SEMA4C: variants seen among roughly 807,000 people sequenced by gnomAD.
SEMA4C encodes the protein semaphorin 4C, also known as semaphorin-4C.
Under a neutral mutation model 89.0 loss-of-function variants are expected in SEMA4C, and 19 were observed. That is an observed-to-expected ratio of 0.21 (90% CI 0.15 to 0.31). The LOEUF is 0.31. Ranked by LOEUF, SEMA4C falls within the 10% of genes least tolerant of loss-of-function variation. The probability of loss-of-function intolerance (pLI) is 1.00; values close to 1 mark genes in which losing one functional copy is unlikely to be tolerated. For synonymous variants in SEMA4C, 428 were observed against 472.7 expected (o/e 0.91, Z 1.23); for missense variants, 811 against 1,107.0 (o/e 0.73, Z 3.79).
chr2:96,869,402 G>C, intron 1 of SEMA4C: 4 of 985,218 alleles, frequency 4.1e-6, no homozygotes, highest in Non-Finnish European at 3.6e-6. Context: ...CTCCAGCCGG[G>C]GACGGCGCGG....
At chr2:96,867,668 G>C in intron 2 of SEMA4C, 110 bp downstream of exon 2, 3 of 1,147,578 alleles carry the variant, frequency 2.6e-6, no homozygotes, top group East Asian at 2.4e-5. Context: ...CTTCCAACTC[G>C]AGTTTCTTAG....
rs2079951436 is a variant in SEMA4C, at chr2:96,861,817, T to G, written c.1521A>C (p.Ala507=). The part of the protein sequence containing the change: ...VADCMKYRSC[A]DCVLARDPYC... The stretch of plus-strand genomic sequence containing the variant: ...AGGGGTCCCGGGCGAGGACACAGTC[T>G]GCACAGGAGCGATACTTCATGCAGT... Residue 507 remains alanine (A), a synonymous_variant, in exon 13 of 15, where the codon GCA becomes GCC. Transcript: ENST00000305476. The surrounding 1 kb of genome is among the most constrained non-coding windows in gnomAD (Gnocchi z 7.8). 1 of 1,612,962 alleles carries G rather than the reference T, an allele frequency of 6.2e-7. No homozygotes were observed.
chr2:96,860,862 C>A lies in SEMA4C; in HGVS notation c.2266G>T (p.Gly756Trp). The change falls in exon 15 of 15, where the codon GGG (glycine) becomes TGG (tryptophan). Residue 756 changes from glycine (G) to tryptophan (W), a missense_variant. Physicochemically the swap from Gly to Trp is radical, Grantham distance 184. This residue lies in a region of SEMA4C where 248 missense variants were observed against 269.0 expected (regional missense o/e 0.92). Coordinates refer to ENST00000305476, the MANE Select transcript of SEMA4C (RefSeq NM_017789.5). ...CCTGGAGGTGGCGAAGGGGGCCCCCCACCGGGCTGGCACCGGGCATGCCCA... is the reference window on the plus strand; with the variant it reads ...CCTGGAGGTGGCGAAGGGGGCCCCCAACCGGGCTGGCACCGGGCATGCCCA... ...VPGHARCQPG[G>W]GPPSPPPGIP... The A allele has an allele frequency of 1.2e-6, 2 of 1,613,162 alleles. No homozygotes were observed. The highest frequency in any genetic ancestry group is 4.5e-5 in the East Asian group (2 of 44,876).
At chr2:96,867,716 C>T in intron 2 of SEMA4C, 62 bp downstream of exon 2, 3 of 1,503,336 alleles carry the variant, frequency 2.0e-6, no homozygotes, top group Non-Finnish European at 2.8e-6. Flanking sequence ...AGCCAGCACA[C>T]TATGGGGGCA....
At chr2:96,866,259 G>A (rs1283388685) in intron 3 of SEMA4C, 24 bp downstream of exon 3, 2 of 1,593,380 alleles carry the variant, frequency 1.3e-6, no homozygotes, top group East Asian at 4.5e-5. Context: ...AGGCCCGACT[G>A]CCTCCCACTG....
intron 12 of SEMA4C, chr2:96,863,178 C>A: frequency 4.2e-6 from 4 of 942,078 alleles, no homozygotes; most frequent in Non-Finnish European, 5.1e-6. Context: ...TCACTGCACT[C>A]TAGCCTGGGT....
Position 96,864,331 on chromosome 2 carries a change from C to G in SEMA4C, c.1014G>C (p.Gln338His). The G allele has an allele frequency of 6.2e-7, 1 of 1,614,032 alleles. No homozygotes were observed. The highest frequency in any genetic ancestry group is 8.5e-7 in the Non-Finnish European group (1 of 1,180,024). ...CCTTATAGGGGCCCTCAAACACCCG[C>G]TGGATCTCTTCCAACTGGTACTCAC... ...AICEYQLEEI[Q>H]RVFEGPYKEY... The change falls in exon 10 of 15, where the codon CAG becomes CAC. Residue 338 changes from glutamine (Q) to histidine (H), a missense_variant. Physicochemically the swap from Gln to His is conservative, Grantham distance 24. This residue lies in a region of SEMA4C where 441 missense variants were observed against 664.9 expected (regional missense o/e 0.66). Transcript: ENST00000305476. The surrounding 1 kb of genome is among the most constrained non-coding windows in gnomAD (Gnocchi z 6.3).
intron 3 of SEMA4C, 51 bp downstream of exon 3, chr2:96,866,231 TG>T: frequency 6.4e-7 from 1 of 1,563,370 alleles, no homozygotes; most frequent in Non-Finnish European, 8.7e-7. Flanking sequence ...ACAGCCCCTC[TG>T]GGCCTTGCCC....
intron 12 of SEMA4C, chr2:96,863,363 G>A: frequency 8.9e-7 from 1 of 1,126,976 alleles, no homozygotes; most frequent in Admixed American, 4.4e-5. Flanking sequence ...CATGGTCAGG[G>A]AAGAGGCCAG....
Position 96,861,920 on chromosome 2 carries a change from G to C in SEMA4C, c.1444-26C>G, listed in dbSNP as rs755870030. 3.2e-6 allele frequency: 5 copies of C among 1,585,608 alleles called. No individual in the cohort carries two copies. The highest frequency in any genetic ancestry group is 2.3e-5 in the South Asian group (2 of 88,578). On this transcript the variant is annotated intron_variant, in intron 12 of 14. Coordinates refer to ENST00000305476, the MANE Select transcript of SEMA4C (RefSeq NM_017789.5). This position sits in a 1 kb window ranked among gnomAD's most constrained non-coding sequence, Gnocchi z 7.8. The stretch of plus-strand genomic sequence containing the variant: ...CTGCGAGAAAAGCGGGGCGCAGGAG[G>C]GGGGTCGGCCAGGGCCACACCACGG...
Position 96,867,800 on chromosome 2 carries a change from C to A in SEMA4C, c.87G>T (p.Pro29=), listed in dbSNP as rs754981184. 7 of 1,613,458 alleles carry A rather than the reference C, an allele frequency of 4.3e-6. No homozygotes were observed. Among genetic ancestry groups the A allele is most frequent in the Non-Finnish European group, 5.9e-6 (7 of 1,179,846 alleles). Residue 29 remains proline (P), a synonymous_variant, in exon 2 of 15, where the codon CCG becomes CCT. Coordinates refer to ENST00000305476, the MANE Select transcript of SEMA4C (RefSeq NM_017789.5). ...CACCCCCAGAAGACACTGTCTTACG[C>A]GGCACAAGGTTCCACCACACCTCAG... ...IGAEVWWNLV[P]RKTVSSGELA...
At chr2:96,863,316 T>C (rs1259426182) in intron 12 of SEMA4C, 3 of 1,040,798 alleles carry the variant, frequency 2.9e-6, no homozygotes, top group African/African-American at 3.4e-5. Flanking sequence ...GAGGGCATCA[T>C]AAACATCTCA....
At chr2:96,869,415 C>T in intron 1 of SEMA4C, 1 of 974,738 alleles carries the variant, frequency 1.0e-6, no homozygotes. Context: ...CGGCGCGGCC[C>T]GGCTCGGCCC....
At chr2:96,866,198 G>A in intron 3 of SEMA4C, 85 bp downstream of exon 3, 1 of 1,512,900 alleles carries the variant, frequency 6.6e-7, no homozygotes, top group Non-Finnish European at 8.9e-7. Context: ...GGGCAGCCAG[G>A]CTGAGGGACC....
Position 96,867,893 on chromosome 2 carries a change from C to CA in SEMA4C, c.-8_-7insT. 6.2e-7 allele frequency: 1 copy of CA among 1,613,502 alleles called. No individual in the cohort carries two copies. The highest frequency in any genetic ancestry group is 8.5e-7 in the Non-Finnish European group (1 of 1,180,014). ...CAGCCCAGTGTGGGGCCATGGCGCA[C>CA]GCCCCGGCTCTGAGCTTCAGGCCAG... On this transcript the variant is annotated 5_prime_UTR_variant, in exon 2 of 15. Coordinates refer to ENST00000305476, the MANE Select transcript of SEMA4C (RefSeq NM_017789.5).
At chr2:96,862,449 G>A (rs1442935711) in intron 12 of SEMA4C, 1 of 153,196 alleles carries the variant, frequency 6.5e-6, no homozygotes, top group East Asian at 1.9e-4. Context: ...ACTAGGAACA[G>A]CAGGTCATGC....
At chr2:96,870,413 C>T (rs2080177230), upstream of SEMA4C, 2 of 202,838 alleles carry the variant, frequency 9.9e-6, no homozygotes, top group Non-Finnish European at 1.7e-5. Context: ...AGACTCCGGG[C>T]GGGCTGGGCT....
In SEMA4C at chr2:96,863,978, G is replaced by C. The variant is rs2080011252; in HGVS notation, c.1278C>G (p.Asp426Glu). ...KGTNFTHLVADRVTGLDGATY... is the reference protein window; with the variant it reads ...KGTNFTHLVAERVTGLDGATY... The stretch of plus-strand genomic sequence containing the variant: ...TGGCTCCATCAAGTCCTGTAACCCG[G>C]TCGGCCACCAGGTGGGTGAAGTTGG... Residue 426 changes from aspartate (D) to glutamate (E), a missense_variant, in exon 11 of 15, where the codon GAC becomes GAG. Physicochemically the swap from Asp to Glu is conservative, Grantham distance 45. This residue lies in a region of SEMA4C where 441 missense variants were observed against 664.9 expected (regional missense o/e 0.66). Transcript: ENST00000305476. The C allele has an allele frequency of 6.2e-7, 1 of 1,613,448 alleles. No individual in the cohort carries two copies. The highest frequency in any genetic ancestry group is 1.1e-5 in the South Asian group (1 of 91,078).
At chr2:96,869,337 C>T (rs2080155278) in intron 1 of SEMA4C, 2 of 985,244 alleles carry the variant, frequency 2.0e-6, no homozygotes, top group Admixed American at 6.1e-5. Flanking sequence ...ACCCCACACC[C>T]TCGCCCACCC....
Sources: gnomAD v4.1 joint callset for allele counts on GRCh38, gnomAD v4.1.1 for gene constraint, gnomAD v4.1.1 regional missense constraint, Gnocchi (gnomAD v3.1) non-coding constraint, MANE v1.5 for transcripts, NCBI Gene and HGNC (gene_info 2026-07-23, HGNC 2026-07-21) for gene names.